ABCA13: variants seen among roughly 807,000 people sequenced by gnomAD.
The protein encoded by ABCA13 is ATP-binding cassette sub-family A member 13.
In ABCA13, 476 loss-of-function variants were observed where a neutral mutation model predicts 478.7. The ratio of observed to expected loss-of-function variants is 0.99; its 90% CI spans 0.92 to 1.07. ABCA13 has a LOEUF of 1.07. Ranked by LOEUF, ABCA13 falls within the 50% of genes least tolerant of loss-of-function variation. The pLI, the probability that ABCA13 is intolerant of heterozygous loss-of-function variation, is 0.00. For synonymous variants in ABCA13, 2,252 were observed against 2,158.9 expected (o/e 1.04, Z -1.20); for missense variants, 6,060 against 5,910.6 (o/e 1.03, Z -0.83).
At chr7:48,218,417 T>A (rs992337681) in intron 3 of ABCA13, among the ~76,000 whole-genome samples, 14 of 152,180 alleles carry the variant, frequency 9.2e-5, no homozygotes, top group Admixed American at 7.2e-4. Flanking sequence ...GTCATGGTGG[T>A]TCATGCCTGT....
intron 42 of ABCA13, among the ~76,000 whole-genome samples, chr7:48,434,583 G>T (rs141164783): frequency 6.6e-6 from 1 of 151,892 alleles, no homozygotes; most frequent in African/African-American, 2.4e-5. Context: ...AAAATCACTG[G>T]CAACTGCAAT....
At chr7:48,199,846 G>A (rs10281692) in intron 3 of ABCA13, among the ~76,000 whole-genome samples, 112,805 of 152,058 alleles carry the variant, frequency 0.74, 42,283 homozygotes, top group Non-Finnish European at 0.8. Flanking sequence ...GTTGAAGTGG[G>A]AAGAATATGA....
intron 55 of ABCA13, among the ~76,000 whole-genome samples, chr7:48,569,106 C>A (rs1475422105): frequency 1.3e-5 from 2 of 151,824 alleles, no homozygotes; most frequent in Non-Finnish European, 2.9e-5. Context: ...TATTTCTTCC[C>A]TATTTTATTT....
chr7:48,292,225 T>C (rs960533344), intron 20 of ABCA13, among the ~76,000 whole-genome samples: 70 of 152,288 alleles, frequency 4.6e-4, no homozygotes, highest in African/African-American at 1.5e-3. Flanking sequence ...ATGTAATTTT[T>C]CCCACCCCTG....
chr7:48,372,514 GTA>G lies in ABCA13; in HGVS notation c.11133+18_11133+19del. On this transcript the variant is annotated intron_variant, in intron 33 of 61. Coordinates refer to ENST00000435803, the MANE Select transcript of ABCA13 (RefSeq NM_152701.5). Reference sequence around the variant, plus strand: ...ACATTTCTGGTAAGTAAGTTGTTTTGTAAAAAAAAAAAAAAAAAACAACAAAA... The same window carrying G: ...ACATTTCTGGTAAGTAAGTTGTTTTGAAAAAAAAAAAAAAAAACAACAAAA... 8 of 808,508 alleles carry G rather than the reference GTA, an allele frequency of 9.9e-6. No homozygotes were observed. The highest frequency in any genetic ancestry group is 7.0e-5 in the South Asian group (2 of 28,382). The allele number at this position is 808,508 out of a possible 1,614,324, so 50.1% of individuals were successfully genotyped here. A position where few individuals can be genotyped will look rare whatever the true frequency, so the allele number is the denominator to read the frequency against.
Position 48,273,994 on chromosome 7 carries a change from A to G in ABCA13, c.4328A>G (p.Asn1443Ser), listed in dbSNP as rs1025267852. The change falls in exon 17 of 62, where the codon AAT (asparagine) becomes AGT (serine). Residue 1443 changes from asparagine (N) to serine (S), a missense_variant. By Grantham distance (46) the Asn-to-Ser change is conservative. Coordinates refer to ENST00000435803, the MANE Select transcript of ABCA13 (RefSeq NM_152701.5). ...SILKIVTWVLNIKKPLCSSNG... is the reference protein window; with the variant it reads ...SILKIVTWVLSIKKPLCSSNG... ...TTAAAAATTGTAACTTGGGTGTTAAATATAAAAAAACCTCTTTGTTCATCA... is the reference window on the plus strand; with the variant it reads ...TTAAAAATTGTAACTTGGGTGTTAAGTATAAAAAAACCTCTTTGTTCATCA... The G allele has an allele frequency of 6.2e-7, 1 of 1,608,948 alleles. No homozygotes were observed. Among genetic ancestry groups the G allele is most frequent in the African/African-American group, 1.3e-5 (1 of 74,860 alleles).
chr7:48,279,340 G>A lies in ABCA13; in HGVS notation c.8146G>A (p.Val2716Met), dbSNP rs759774789. The A allele has an allele frequency of 5.0e-6, 8 of 1,586,054 alleles. No homozygotes were observed. The highest frequency in any genetic ancestry group is 4.6e-5 in the South Asian group (4 of 87,686). Residue 2716 changes from valine (V) to methionine (M), a missense_variant, in exon 18 of 62, where the codon GTG becomes ATG. Val to Met is a conservative substitution (Grantham distance 21). Coordinates refer to ENST00000435803, the MANE Select transcript of ABCA13 (RefSeq NM_152701.5). ...TATAAAATGGGAAATAATTCATGAA[G>A]TGATCCCTTTTTTGGATAAAATATT... ...QDIKWEIIHE[V>M]IPFLDKILSQ...
At chr7:48,490,766 C>T (rs1003357717) in intron 48 of ABCA13, among the ~76,000 whole-genome samples, 1 of 152,158 alleles carries the variant, frequency 6.6e-6, no homozygotes. Flanking sequence ...TTGGCTTTGA[C>T]TGACATGATG....
rs550844356 is a variant in ABCA13, at chr7:48,319,847, C to A, written c.9999+2551C>A. 1.3e-4 allele frequency among the ~76,000 whole-genome samples: 20 copies of A among 152,052 alleles called. 1 individual carries two copies. The East Asian group carries it at 3.9e-3, about 29-fold the overall frequency. On this transcript the variant is annotated intron_variant, in intron 27 of 61. Transcript: ENST00000435803. ...GTGAAATGAAAGACTTGAGTAGATCCGTGATTTTCAGTCATCTGGGAGACG... is the reference window on the plus strand; with the variant it reads ...GTGAAATGAAAGACTTGAGTAGATCAGTGATTTTCAGTCATCTGGGAGACG...
At chr7:48,331,393 T>C (rs187046620) in intron 27 of ABCA13, among the ~76,000 whole-genome samples, 4 of 152,334 alleles carry the variant, frequency 2.6e-5, no homozygotes, top group African/African-American at 9.6e-5. Context: ...TAGTTCCCTA[T>C]AATCTTCTGA....
Position 48,580,341 on chromosome 7 carries a change from C to T in ABCA13, c.14472C>T (p.Ser4824=). 1 of 1,612,958 alleles carries T rather than the reference C, an allele frequency of 6.2e-7. No individual in the cohort carries two copies. Among genetic ancestry groups the T allele is most frequent in the South Asian group, 1.1e-5 (1 of 90,798 alleles). ...TGWEHLYYYC[S]LRGIPRQCIP... ...GGGAACATCTCTATTATTACTGTAGCTTACGCGGGATTCCAAGGCAGTGCA... is the reference window on the plus strand; with the variant it reads ...GGGAACATCTCTATTATTACTGTAGTTTACGCGGGATTCCAAGGCAGTGCA... Residue 4824 remains serine, a synonymous_variant, in exon 56 of 62, where the codon AGC becomes AGT. Transcript: ENST00000435803.
chr7:48,408,736 G>T (rs181646624), intron 39 of ABCA13, among the ~76,000 whole-genome samples: 58 of 152,254 alleles, frequency 3.8e-4, no homozygotes, highest in African/African-American at 1.4e-3. Flanking sequence ...GTGCAGGTTT[G>T]TTATGTAGGT....
chr7:48,467,420 A>C (rs1379405956), intron 44 of ABCA13, among the ~76,000 whole-genome samples: 2 of 152,174 alleles, frequency 1.3e-5, no homozygotes, highest in Admixed American at 1.3e-4. Context: ...TGTACATATA[A>C]AAAATTAATT....
chr7:48,623,562 T>G (rs1011104152), intron 59 of ABCA13, among the ~76,000 whole-genome samples: 1 of 152,192 alleles, frequency 6.6e-6, no homozygotes, highest in Non-Finnish European at 1.5e-5. Flanking sequence ...GGTAACTGGT[T>G]ATTGGCATTC....
intron 39 of ABCA13, among the ~76,000 whole-genome samples, chr7:48,408,551 T>C (rs748616420): frequency 6.6e-6 from 1 of 152,208 alleles, no homozygotes; most frequent in Admixed American, 6.5e-5. Context: ...CTACGTTCCA[T>C]AGTTTATTTG....
intron 48 of ABCA13, among the ~76,000 whole-genome samples, chr7:48,504,481 A>G (rs2130844493): frequency 6.6e-6 from 1 of 152,052 alleles, no homozygotes; most frequent in Non-Finnish European, 1.5e-5. Context: ...GGAGATGGGG[A>G]GGGCTTAGTG....
At chr7:48,483,566 AG>A (rs931189046) in intron 47 of ABCA13, among the ~76,000 whole-genome samples, 1 of 152,226 alleles carries the variant, frequency 6.6e-6, no homozygotes, top group African/African-American at 2.4e-5. Flanking sequence ...AGAAAGCAGC[AG>A]TTACACAGAG....
At chr7:48,483,203 AT>A (rs1828951605) in intron 47 of ABCA13, 40 bp downstream of exon 47, 1 of 1,527,498 alleles carries the variant, frequency 6.5e-7, no homozygotes, top group African/African-American at 1.4e-5. Flanking sequence ...TTTAGAAAGT[AT>A]TTAGGAAAAC....
intron 55 of ABCA13, among the ~76,000 whole-genome samples, chr7:48,538,995 CA>C (rs1403155038): frequency 1.3e-5 from 2 of 152,188 alleles, no homozygotes; most frequent in African/African-American, 4.8e-5. Context: ...CTGTTTCTTG[CA>C]ATTGCAGCTG....
Sources: allele counts gnomAD v4.1 joint callset (sites outside exome capture counted in the v4.1 genomes callset), GRCh38; gene constraint gnomAD v4.1.1; transcripts MANE v1.5; gene names NCBI Gene and HGNC (gene_info 2026-07-23, HGNC 2026-07-21).